Variants in CPNE8 observed in about 807,000 individuals in gnomAD.
CPNE8 encodes copine 8.
A neutral mutation model predicts 81.5 loss-of-function variants in CPNE8; 45 were observed. That is an observed-to-expected ratio of 0.55 (90% CI 0.44 to 0.71). CPNE8 has a LOEUF of 0.71. Ranked by LOEUF, CPNE8 falls within the 30% of genes least tolerant of loss-of-function variation. The probability of loss-of-function intolerance (pLI) is 0.00; values close to 1 mark genes in which losing one functional copy is unlikely to be tolerated. For synonymous variants in CPNE8, 252 were observed against 226.3 expected, an observed-to-expected ratio of 1.11 and a Z score of -1.02; for missense variants, 594 against 672.1, an observed-to-expected ratio of 0.88 and a Z score of 1.28.
intron 15 of CPNE8, 22 bp from the exon 16 acceptor site, chr12:38,685,639 A>G: frequency 1.3e-6 from 2 of 1,598,786 alleles, no homozygotes; most frequent in Non-Finnish European, 1.7e-6. Flanking sequence ...TATAGGCAAA[A>G]CAAAACAAAA....
intron 10 of CPNE8, among the ~76,000 whole-genome samples, chr12:38,739,314 T>C (rs1347538319): frequency 6.6e-6 from 1 of 152,202 alleles, no homozygotes; most frequent in Non-Finnish European, 1.5e-5. Flanking sequence ...GCATATGTTA[T>C]ATACTTTTTC....
At chr12:38,791,429 G>A (rs1442605257) in intron 6 of CPNE8, among the ~76,000 whole-genome samples, 1 of 150,600 alleles carries the variant, frequency 6.6e-6, no homozygotes. Flanking sequence ...TAATGGCTAA[G>A]GTAATTATTA....
At chr12:38,703,348 T>C (rs959213718) in intron 13 of CPNE8, among the ~76,000 whole-genome samples, 4 of 152,182 alleles carry the variant, frequency 2.6e-5, no homozygotes, top group East Asian at 1.9e-4. Flanking sequence ...TCTCTAATAA[T>C]GTCATTCCTT....
chr12:38,717,925 T>C (rs530368267), intron 13 of CPNE8, among the ~76,000 whole-genome samples: 1 of 152,186 alleles, frequency 6.6e-6, no homozygotes, highest in African/African-American at 2.4e-5. Flanking sequence ...TCTTAGTATT[T>C]TAAGTTAAAA....
intron 14 of CPNE8, among the ~76,000 whole-genome samples, chr12:38,700,427 C>T (rs1222672571): frequency 6.6e-6 from 1 of 151,618 alleles, no homozygotes; most frequent in Non-Finnish European, 1.5e-5. Flanking sequence ...TTAGTAGAGA[C>T]GGGGTTTCAC....
intron 5 of CPNE8, among the ~76,000 whole-genome samples, chr12:38,834,305 C>G (rs916251816): frequency 5.3e-5 from 8 of 152,078 alleles, no homozygotes; most frequent in Admixed American, 5.2e-4. Context: ...CATTTGGATG[C>G]TTACTGGGGG....
At chr12:38,906,366 C>T, upstream of CPNE8, 1 of 985,436 alleles carries the variant, frequency 1.0e-6, no homozygotes, top group Non-Finnish European at 1.2e-6. Flanking sequence ...AAAAACAATA[C>T]TACTTGGGAT....
chr12:38,900,775 G>C (rs1398318455), intron 1 of CPNE8, among the ~76,000 whole-genome samples: 1 of 152,142 alleles, frequency 6.6e-6, no homozygotes, highest in Non-Finnish European at 1.5e-5. Context: ...CTGTTTATCA[G>C]ACTATATACA....
At chr12:38,758,531 T>C (rs879607850) in intron 10 of CPNE8, among the ~76,000 whole-genome samples, 9 of 152,166 alleles carry the variant, frequency 5.9e-5, no homozygotes, top group East Asian at 1.9e-4. Context: ...TAGTTATGAA[T>C]ATACTATTGG....
At chr12:38,885,919 C>T (rs868402422) in intron 1 of CPNE8, among the ~76,000 whole-genome samples, 10 of 152,062 alleles carry the variant, frequency 6.6e-5, no homozygotes, top group African/African-American at 2.2e-4. Flanking sequence ...GCCTGCCTCC[C>T]CTTGTGCCTT....
chr12:38,861,619 T>A (rs1274381056), intron 3 of CPNE8, among the ~76,000 whole-genome samples: 1 of 152,032 alleles, frequency 6.6e-6, no homozygotes, highest in Non-Finnish European at 1.5e-5. Context: ...TAAAATTATA[T>A]TTTCATCAAA....
At chr12:38,843,500 A>AATCTGGGATGCCTGCAAGGT (rs1235445605) in intron 4 of CPNE8, among the ~76,000 whole-genome samples, 1 of 151,852 alleles carries the variant, frequency 6.6e-6, no homozygotes, top group Non-Finnish European at 1.5e-5. Context: ...ATGGCTCCAA[A>AATCTGGGATGCCTGCAAGGT]ATCTGGGATG....
intron 8 of CPNE8, among the ~76,000 whole-genome samples, chr12:38,767,323 A>G (rs562727421): frequency 6.6e-6 from 1 of 152,120 alleles, no homozygotes; most frequent in Non-Finnish European, 1.5e-5. Flanking sequence ...CTGTAACAAA[A>G]TATATTTGTT....
intron 6 of CPNE8, among the ~76,000 whole-genome samples, chr12:38,779,438 G>A (rs1942000045): frequency 6.6e-6 from 1 of 152,130 alleles, no homozygotes; most frequent in Non-Finnish European, 1.5e-5. Context: ...TGTAGCATGA[G>A]TTATATATAA....
At chr12:38,861,913 T>C (rs977642239) in intron 3 of CPNE8, among the ~76,000 whole-genome samples, 1 of 151,372 alleles carries the variant, frequency 6.6e-6, no homozygotes, top group Non-Finnish European at 1.5e-5. Flanking sequence ...TGAGAGAAAA[T>C]AGAGCATGAA....
chr12:38,729,880 G>A (rs755704597), intron 11 of CPNE8, among the ~76,000 whole-genome samples: 2 of 151,876 alleles, frequency 1.3e-5, no homozygotes, highest in Non-Finnish European at 2.9e-5. Context: ...CCACCTAAAC[G>A]GTAGTGAAGG....
At chr12:38,726,084 G>GC (rs1565585746) in intron 11 of CPNE8, among the ~76,000 whole-genome samples, 2 of 152,056 alleles carry the variant, frequency 1.3e-5, no homozygotes, top group Non-Finnish European at 2.9e-5. Context: ...ATGCTGTGTG[G>GC]CCCAGTTCCT....
At chr12:38,654,221 A>G in intron 19 of CPNE8, 151 bp from the exon 20 acceptor site, 1 of 1,157,910 alleles carries the variant, frequency 8.6e-7, no homozygotes, top group Non-Finnish European at 1.1e-6. Context: ...TACATTTTTA[A>G]AAATATTCAA....
At chr12:38,762,490 C>A (rs1419842863) in intron 8 of CPNE8, among the ~76,000 whole-genome samples, 1 of 152,140 alleles carries the variant, frequency 6.6e-6, no homozygotes, top group Non-Finnish European at 1.5e-5. Flanking sequence ...TGGTGACATG[C>A]TGATGGAGTG....
Sources: gnomAD v4.1 joint callset for allele counts (sites outside exome capture counted in the v4.1 genomes callset) on GRCh38, gnomAD v4.1.1 for gene constraint, MANE v1.5 for transcripts, NCBI Gene and HGNC (gene_info 2026-07-23, HGNC 2026-07-21) for gene names.